C9orf152: variants seen among roughly 807,000 people sequenced by gnomAD.
The protein encoded by C9orf152 is chromosome 9 open reading frame 152.
Under a neutral mutation model 8.5 loss-of-function variants are expected in C9orf152, and 8 were observed. The observed-to-expected ratio is 0.94, with a 90% CI of 0.55 to 1.70. The LOEUF is 1.70. Ranked by LOEUF, C9orf152 falls within the 40% of genes most tolerant of loss-of-function variation. The pLI, the probability that C9orf152 is intolerant of heterozygous loss-of-function variation, is 0.00. For missense variants in C9orf152, 293 were observed against 286.2 expected, an observed-to-expected ratio of 1.02 and a Z score of -0.17; for synonymous variants, 109 against 113.0, an observed-to-expected ratio of 0.96 and a Z score of 0.22.
intron 1 of C9orf152, among the ~76,000 whole-genome samples, chr9:110,201,813 G>A (rs1167012733): frequency 2.0e-5 from 3 of 152,200 alleles, no homozygotes; most frequent in African/African-American, 7.2e-5. Context: ...GTGTGTCCTG[G>A]TTGAGTAGAG....
chr9:110,207,582 G>A lies in C9orf152; in HGVS notation c.-3C>T, dbSNP rs12683153. On this transcript the variant is annotated 5_prime_UTR_variant, in exon 1 of 2. Coordinates refer to ENST00000400613, the MANE Select transcript of C9orf152 (RefSeq NM_001012993.3). ...CACGGGCAGGGCAACCCCTCCATCC[G>A]GATCCGGGAGAAAAGCAAACACAGC... 53 of 1,576,112 alleles carry A rather than the reference G, an allele frequency of 3.4e-5. No homozygotes were observed. Among genetic ancestry groups the A allele is most frequent in the Admixed American group, 9.6e-5 (5 of 51,894 alleles).
At chr9:110,203,779 G>T (rs1411045270) in intron 1 of C9orf152, among the ~76,000 whole-genome samples, 1 of 152,192 alleles carries the variant, frequency 6.6e-6, no homozygotes, top group Non-Finnish European at 1.5e-5. Context: ...GATTCACTTT[G>T]CCAGAAGATA....
Position 110,201,025 on chromosome 9 carries a change from A to G in C9orf152, c.643T>C (p.Tyr215His), listed in dbSNP as rs1426537507. Residue 215 changes from tyrosine to histidine, a missense_variant, in exon 2 of 2, where the codon TAC (tyrosine) becomes CAC (histidine). By Grantham distance (83) the Tyr-to-His change is moderately conservative. Coordinates refer to ENST00000400613, the MANE Select transcript of C9orf152 (RefSeq NM_001012993.3). ...KNPHRSGKPAYYPFPQRKTPR... is the reference protein window; with the variant it reads ...KNPHRSGKPAHYPFPQRKTPR... ...GTTTTCCTCTGGGGAAATGGATAGT[A>G]AGCTGGTTTGCCAGACCTGTGTGGG... 6.2e-7 allele frequency: 1 copy of G among 1,614,214 alleles called. No homozygotes were observed.
intron 1 of C9orf152, among the ~76,000 whole-genome samples, chr9:110,204,947 C>G (rs1417423424): frequency 6.6e-6 from 1 of 152,192 alleles, no homozygotes; most frequent in African/African-American, 2.4e-5. Context: ...GGCAGAATTT[C>G]TTTCCTTTTT....
intron 1 of C9orf152, 114 bp from the exon 2 acceptor site, chr9:110,201,588 T>C (rs1201104555): frequency 1.3e-6 from 1 of 778,552 alleles, no homozygotes; most frequent in Non-Finnish European, 2.0e-6. Flanking sequence ...AGGTTCCTGG[T>C]ACATTTCATG....
chr9:110,202,924 C>A (rs538333884), intron 1 of C9orf152, among the ~76,000 whole-genome samples: 1 of 152,080 alleles, frequency 6.6e-6, no homozygotes, highest in South Asian at 2.1e-4. Flanking sequence ...CCTGTCAACA[C>A]TAACTCTAGT....
At chr9:110,205,277 C>A (rs929767697) in intron 1 of C9orf152, among the ~76,000 whole-genome samples, 1 of 150,520 alleles carries the variant, frequency 6.6e-6, no homozygotes, top group African/African-American at 2.4e-5. Flanking sequence ...CCTTTTTCTC[C>A]ACAAAAAGCC....
At chr9:110,206,853 G>A (rs1330807946) in intron 1 of C9orf152, among the ~76,000 whole-genome samples, 1 of 152,240 alleles carries the variant, frequency 6.6e-6, no homozygotes, top group Non-Finnish European at 1.5e-5. Flanking sequence ...TGAAATCTGA[G>A]TTCCTAAAGG....
rs148338415 is a variant in C9orf152 at position 110,202,047 on chromosome 9, C to T, written c.194-573G>A. ...AGTGGAAAAGATTATTCTTAACTTA[C>T]GGGGTTTTGTGTTCTGGGATTCTTT... On this transcript the variant is annotated intron_variant, in intron 1 of 1. Coordinates refer to ENST00000400613, the MANE Select transcript of C9orf152 (RefSeq NM_001012993.3). Among the ~76,000 whole-genome samples the T allele has an allele frequency of 8.8e-4, 134 of 151,894 alleles. 1 individual carries two copies. Among genetic ancestry groups the T allele is most frequent in the African/African-American group, 2.8e-3 (116 of 41,482 alleles).
chr9:110,206,269 G>C (rs1275196204), intron 1 of C9orf152, among the ~76,000 whole-genome samples: 1 of 151,912 alleles, frequency 6.6e-6, no homozygotes, highest in African/African-American at 2.4e-5. Context: ...ATTCTCTGGG[G>C]GCATGTTGAA....
Position 110,207,611 on chromosome 9 carries a change from G to C in C9orf152, c.-32C>G, listed in dbSNP as rs745842829. ...CCGGGAGAAAAGCAAACACAGCTGG[G>C]TGGGGCAGGACCTGGGGAGGGGAGA... On this transcript the variant is annotated 5_prime_UTR_variant, in exon 1 of 2. Transcript: ENST00000400613. 1.9e-6 allele frequency: 3 copies of C among 1,539,406 alleles called. No individual in the cohort carries two copies. The highest frequency in any genetic ancestry group is 2.8e-5 in the African/African-American group (2 of 71,812).
intron 1 of C9orf152, among the ~76,000 whole-genome samples, chr9:110,206,313 A>G (rs1179755025): frequency 6.6e-6 from 1 of 152,216 alleles, no homozygotes; most frequent in African/African-American, 2.4e-5. Context: ...CCACTAAGCA[A>G]TTAGATTTGT....
chr9:110,207,409 G>GCA lies in C9orf152; in HGVS notation c.170_171insTG (p.His58AlafsTer109). 1 of 1,612,762 alleles carries GCA rather than the reference G, an allele frequency of 6.2e-7. No individual in the cohort carries two copies. The highest frequency in any genetic ancestry group is 8.5e-7 in the Non-Finnish European group (1 of 1,179,380). ...TACCTTTTGGAAGCACCAGGAGGTG[G>GCA]GCCTGGGTCCTCTGCTGCCTCTTCA... On this transcript the variant is annotated frameshift_variant, in exon 1 of 2. Transcript: ENST00000400613. LOFTEE classifies it low-confidence loss of function (END_TRUNC).
chr9:110,204,433 A>G (rs1010071), intron 1 of C9orf152, among the ~76,000 whole-genome samples: 12,304 of 151,976 alleles, frequency 0.081, 1,347 homozygotes, highest in East Asian at 0.52. Flanking sequence ...ACGCAACCCA[A>G]TGTCTTGAGA....
chr9:110,206,963 G>A (rs182409730), intron 1 of C9orf152, among the ~76,000 whole-genome samples: 253 of 152,342 alleles, frequency 1.7e-3, no homozygotes, highest in Non-Finnish European at 3.0e-3. Flanking sequence ...GGGTCTCTGA[G>A]CCCTAGGCGT....
rs151073648 is a variant in C9orf152 at position 110,207,916 on chromosome 9, AAG to A, written c.-339_-338del. 8.5e-6 allele frequency: 2 copies of A among 234,222 alleles called. No individual in the cohort carries two copies. Among genetic ancestry groups the A allele is most frequent in the African/African-American group, 4.7e-5 (2 of 42,966 alleles). The allele number at this position is 234,222 out of a possible 1,614,324, so 14.5% of individuals were successfully genotyped here. On this transcript the variant is annotated 5_prime_UTR_variant, in exon 1 of 2. Transcript: ENST00000400613. ...CGGGGATTAATGGGGCGAGAGAAGA[AAG>A]AGAGGGAGGAAGATGGAGACAGGCA...
chr9:110,201,619 C>T (rs2118498595), intron 1 of C9orf152, 145 bp from the exon 2 acceptor site: 1 of 544,474 alleles, frequency 1.8e-6, no homozygotes, highest in East Asian at 3.1e-5. Context: ...TGTACACACA[C>T]AAGATCTCAC....
chr9:110,204,063 G>A (rs116166920), intron 1 of C9orf152, among the ~76,000 whole-genome samples: 1 of 152,118 alleles, frequency 6.6e-6, no homozygotes, highest in Non-Finnish European at 1.5e-5. Flanking sequence ...TCTTAAAAAG[G>A]GAGCTACCTT....
At position 110,207,526 on chromosome 9, in the gene C9orf152, C is replaced by T; in HGVS notation, c.54G>A (p.Arg18=). 3 of 1,609,702 alleles carry T rather than the reference C, an allele frequency of 1.9e-6. No homozygotes were observed. The highest frequency in any genetic ancestry group is 2.5e-6 in the Non-Finnish European group (3 of 1,178,342). Residue 18 remains arginine, a synonymous_variant, in exon 1 of 2, where the codon AGG becomes AGA. Coordinates refer to ENST00000400613, the MANE Select transcript of C9orf152 (RefSeq NM_001012993.3). ...TGGAGCCCTCAGCCATTAAGTGAGA[C>T]CTAAGCTGCCAGAAGTGGGGCAGGG... The part of the protein sequence containing the change: ...CPALPHFWQL[R]SHLMAEGSRT...
Sources: allele counts gnomAD v4.1 joint callset (sites outside exome capture counted in the v4.1 genomes callset), GRCh38; gene constraint gnomAD v4.1.1; transcripts MANE v1.5; gene names NCBI Gene and HGNC (gene_info 2026-07-23, HGNC 2026-07-21).